Variants in RIMS1 observed in about 807,000 individuals in gnomAD.
RIMS1 encodes the protein regulating synaptic membrane exocytosis 1.
A neutral mutation model predicts 214.1 loss-of-function variants in RIMS1; 83 were observed. The ratio of observed to expected loss-of-function variants is 0.39; its 90% CI spans 0.32 to 0.47. The LOEUF is 0.47. Among genes scored for constraint, RIMS1 ranks in the 20% least tolerant of loss-of-function variants. The pLI, the probability that RIMS1 is intolerant of heterozygous loss-of-function variation, is 0.99. For missense variants in RIMS1, 2,050 were observed against 2,161.8 expected (o/e 0.95, Z 1.03); for synonymous variants, 793 against 786.8 (o/e 1.01, Z -0.13).
intron 16 of RIMS1, among the ~76,000 whole-genome samples, chr6:72,255,488 T>C (rs2075419555): frequency 6.6e-6 from 1 of 152,220 alleles, no homozygotes; most frequent in African/African-American, 2.4e-5. Context: ...ATGTGTTTAC[T>C]ATCTTTTTCC....
rs76460206 is a variant in RIMS1 at position 72,065,868 on chromosome 6, G to A, written c.246-31081G>A. On this transcript the variant is annotated intron_variant, in intron 2 of 33. Transcript: ENST00000521978. Reference sequence around the variant, plus strand: ...TATTTATAAAAGTTGAGAAATAATCGCTTGCAGAATAGAAATCATAAATAA... The same window carrying A: ...TATTTATAAAAGTTGAGAAATAATCACTTGCAGAATAGAAATCATAAATAA... 8.9e-3 allele frequency among the ~76,000 whole-genome samples: 1,340 copies of A among 150,256 alleles called. 15 individuals are homozygous for A. Among genetic ancestry groups the A allele is most frequent in the African/African-American group, 0.031 (1,271 of 40,744 alleles).
rs760443753 is a variant in RIMS1, at chr6:72,251,329, C to T, written c.2659C>T (p.Arg887Ter). The T allele has an allele frequency of 6.3e-7, 1 of 1,599,540 alleles. No individual in the cohort carries two copies. ...TCAGCCATCACCTTTCATGCCAAGG[C>T]GACATATTCATGGAGAAAGCTCTAG... ...LPQPSPFMPR[R>*]HIHGESSSKK... is the part of the protein sequence containing the mutation. The change falls in exon 15 of 34, where the codon CGA becomes TGA. Residue 887 changes from arginine (R) to a stop codon, truncating the protein, a stop_gained. Coordinates refer to ENST00000521978, the MANE Select transcript of RIMS1 (RefSeq NM_014989.7). LOFTEE classifies it high-confidence loss of function.
intron 23 of RIMS1, among the ~76,000 whole-genome samples, chr6:72,278,744 A>G (rs2088215421): frequency 6.6e-6 from 1 of 152,110 alleles, no homozygotes; most frequent in Non-Finnish European, 1.5e-5. Flanking sequence ...ATAAATATCA[A>G]TAATATACAG....
intron 2 of RIMS1, among the ~76,000 whole-genome samples, chr6:72,004,359 ATTTATAGTCCTTTGGG>A (rs1227796756): frequency 6.6e-6 from 1 of 152,078 alleles, no homozygotes; most frequent in Non-Finnish European, 1.5e-5. Flanking sequence ...TAGCAGCATG[ATTTATAGTCCTTTGGG>A]TATATACCCA....
At chr6:72,344,351 G>A (rs1207761639) in intron 29 of RIMS1, among the ~76,000 whole-genome samples, 1 of 151,752 alleles carries the variant, frequency 6.6e-6, no homozygotes, top group African/African-American at 2.4e-5. Flanking sequence ...TATAGCTGCA[G>A]GGAAGGAAGG....
chr6:72,321,096 C>T (rs974545634), intron 28 of RIMS1, among the ~76,000 whole-genome samples: 1 of 151,978 alleles, frequency 6.6e-6, no homozygotes, highest in Non-Finnish European at 1.5e-5. Context: ...ATAAAGAAAG[C>T]ATAGACCTTG....
intron 6 of RIMS1, among the ~76,000 whole-genome samples, chr6:72,230,605 C>G (rs960030777): frequency 3.3e-5 from 5 of 151,446 alleles, no homozygotes; most frequent in Non-Finnish European, 7.4e-5. Flanking sequence ...TCATGATACA[C>G]AATTCTAAAT....
chr6:71,907,492 G>A (rs1202964114), intron 1 of RIMS1, among the ~76,000 whole-genome samples: 1 of 152,016 alleles, frequency 6.6e-6, no homozygotes, highest in Admixed American at 6.6e-5. Context: ...CTTGAATGTA[G>A]GTCTAATGTG....
intron 2 of RIMS1, among the ~76,000 whole-genome samples, chr6:72,056,122 G>A (rs140336484): frequency 5.3e-5 from 8 of 152,126 alleles, no homozygotes; most frequent in African/African-American, 1.7e-4. Flanking sequence ...CAACATGGAT[G>A]GAGCTGGAGG....
intron 29 of RIMS1, among the ~76,000 whole-genome samples, chr6:72,348,516 T>C (rs936005635): frequency 6.6e-6 from 1 of 151,986 alleles, no homozygotes; most frequent in Non-Finnish European, 1.5e-5. Flanking sequence ...CAGTTAATTC[T>C]ACCTTATTGC....
chr6:72,005,779 T>A (rs1807307817), intron 2 of RIMS1, among the ~76,000 whole-genome samples: 1 of 152,200 alleles, frequency 6.6e-6, no homozygotes, highest in African/African-American at 2.4e-5. Flanking sequence ...AATTCGATAG[T>A]TTGATCTCTC....
chr6:72,335,909 T>G (rs182427276), intron 29 of RIMS1, among the ~76,000 whole-genome samples: 4 of 152,116 alleles, frequency 2.6e-5, no homozygotes, highest in African/African-American at 9.6e-5. Flanking sequence ...TTTGCCCATT[T>G]TATGATGGGG....
rs530731768 is a variant in RIMS1, at chr6:72,197,433, A to G, written c.1678+14284A>G. Among the ~76,000 whole-genome samples, 5 of 152,274 alleles carry G rather than the reference A, an allele frequency of 3.3e-5. No individual in the cohort carries two copies. In the East Asian group the frequency reaches 9.6e-4, roughly 29 times the overall value. On this transcript the variant is annotated intron_variant, in intron 6 of 33. Transcript: ENST00000521978. Reference sequence around the variant, plus strand: ...AAACAAACAGAACAAAATGCCACACATGTTGCTCAAGTTTAGTATAATACT... The same window carrying G: ...AAACAAACAGAACAAAATGCCACACGTGTTGCTCAAGTTTAGTATAATACT...
chr6:71,904,579 A>G (rs1774709229), intron 1 of RIMS1, among the ~76,000 whole-genome samples: 1 of 152,128 alleles, frequency 6.6e-6, no homozygotes, highest in South Asian at 2.1e-4. Context: ...CGCAATGGAC[A>G]TCTGGGCTTA....
intron 29 of RIMS1, among the ~76,000 whole-genome samples, chr6:72,336,727 A>G (rs1300369460): frequency 6.6e-6 from 1 of 151,740 alleles, no homozygotes; most frequent in East Asian, 1.9e-4. Flanking sequence ...TTAGATTTCA[A>G]TCTTCTTGAT....
At chr6:72,265,883 A>G in intron 21 of RIMS1, 77 bp from the exon 22 acceptor site, 1 of 988,368 alleles carries the variant, frequency 1.0e-6, no homozygotes, top group Non-Finnish European at 1.5e-6. Context: ...TTTATGCTTT[A>G]CTCTCTAACA....
chr6:72,148,981 T>A (rs563462086), intron 4 of RIMS1, among the ~76,000 whole-genome samples: 1 of 151,412 alleles, frequency 6.6e-6, no homozygotes, highest in Non-Finnish European at 1.5e-5. Context: ...CCTAGTAAGA[T>A]GCCTCCCCAA....
rs151247422 is a variant in RIMS1 at position 72,396,238 on chromosome 6, G to C, written c.4619-2011G>C. The stretch of plus-strand genomic sequence containing the variant: ...ATAGAAAATTATCAGACTGAAAATA[G>C]AGTGGAGTTTACTTATCTGTTAACG... On this transcript the variant is annotated intron_variant, in intron 31 of 33. Transcript: ENST00000521978. Among the ~76,000 whole-genome samples, 8 of 152,262 alleles carry C rather than the reference G, an allele frequency of 5.3e-5. No individual in the cohort carries two copies. In the East Asian group the frequency reaches 9.6e-4, roughly 18 times the overall value.
chr6:72,202,836 C>CTCT (rs1554272355), intron 6 of RIMS1, among the ~76,000 whole-genome samples: 5 of 151,306 alleles, frequency 3.3e-5, no homozygotes, highest in African/African-American at 1.2e-4. Context: ...TTACTTAACC[C>CTCT]CTAAGTCTCA....
Sources: gnomAD v4.1 joint callset for allele counts (sites outside exome capture counted in the v4.1 genomes callset) on GRCh38, gnomAD v4.1.1 for gene constraint, MANE v1.5 for transcripts, NCBI Gene and HGNC (gene_info 2026-07-23, HGNC 2026-07-21) for gene names.